Variants in HOMER2 observed in about 807,000 individuals in gnomAD.
The protein encoded by HOMER2 is homer protein homolog 2.
A neutral mutation model predicts 47.0 loss-of-function variants in HOMER2; 27 were observed. The ratio of observed to expected loss-of-function variants is 0.57; its 90% CI spans 0.42 to 0.79. The LOEUF is 0.79. Among genes scored for constraint, HOMER2 ranks in the 30% least tolerant of loss-of-function variants. The probability of loss-of-function intolerance (pLI) is 0.00; values close to 1 mark genes in which losing one functional copy is unlikely to be tolerated. For missense variants in HOMER2, 443 were observed against 435.0 expected, an observed-to-expected ratio of 1.02 and a Z score of -0.16; for synonymous variants, 161 against 163.8, an observed-to-expected ratio of 0.98 and a Z score of 0.13.
At chr15:82,852,578 T>G (rs2051432419) in intron 6 of HOMER2, 1 of 250,768 alleles carries the variant, frequency 4.0e-6, no homozygotes, top group Non-Finnish European at 7.6e-6. Context: ...CAGATTTGCT[T>G]TAAGGATCCA....
chr15:82,851,216 G>A lies in HOMER2; in HGVS notation c.778C>T (p.Arg260Ter). ...REKETELKDLRKQSEIIPQLM... is the reference protein window; with the variant it reads ...REKETELKDL ...TGAGGTATGATTTCACTTTGTTTTC[G>A]GAGATCTTTCAGCTCCTACATGAAA... is the stretch of plus-strand genomic sequence containing the variant. The change falls in exon 8 of 9, where the codon CGA becomes TGA. Residue 260 changes from arginine (R) to a stop codon, truncating the protein, a stop_gained. Coordinates refer to ENST00000450735, the MANE Select transcript of HOMER2 (RefSeq NM_004839.4). LOFTEE classifies it high-confidence loss of function. 10 of 1,562,652 alleles carry A rather than the reference G, an allele frequency of 6.4e-6. No homozygotes were observed. Among genetic ancestry groups the A allele is most frequent in the East Asian group, 4.7e-5 (2 of 42,590 alleles).
chr15:82,897,108 C>T (rs543937540), intron 1 of HOMER2, among the ~76,000 whole-genome samples: 149 of 127,842 alleles, frequency 1.2e-3, no homozygotes, highest in Non-Finnish European at 1.4e-3. Flanking sequence ...ACTCTGTCGC[C>T]CAAGCTGGAG....
chr15:82,879,413 C>G (rs993812517), intron 2 of HOMER2, among the ~76,000 whole-genome samples: 5 of 152,240 alleles, frequency 3.3e-5, no homozygotes, highest in African/African-American at 1.2e-4. Flanking sequence ...GGAGGATTAC[C>G]TGGGGCTCCG....
chr15:82,871,428 G>C (rs997795203), intron 3 of HOMER2, among the ~76,000 whole-genome samples: 1 of 152,178 alleles, frequency 6.6e-6, no homozygotes, highest in African/African-American at 2.4e-5. Flanking sequence ...CAGCCTGGCT[G>C]TCCCCTCAGC....
chr15:82,931,816 C>T lies in HOMER2; in HGVS notation c.5+20715G>A, dbSNP rs62011736. ...TCGCGCCACTGCACTCCAGCATGGG[C>T]GACAGAGCGAGACTCCGTCTCAAAA... On this transcript the variant is annotated intron_variant, in intron 1 of 8. Coordinates refer to ENST00000450735, the MANE Select transcript of HOMER2 (RefSeq NM_004839.4). Among the ~76,000 whole-genome samples the T allele has an allele frequency of 2.4e-3, 367 of 152,222 alleles. 1 individual carries two copies. Among genetic ancestry groups the T allele is most frequent in the Non-Finnish European group, 4.3e-3 (292 of 68,020 alleles).
chr15:82,975,253 T>C (rs892813120), intron 1 of HOMER2, among the ~76,000 whole-genome samples: 3 of 152,162 alleles, frequency 2.0e-5, no homozygotes, highest in Non-Finnish European at 2.9e-5. Flanking sequence ...GCCTCATACA[T>C]TGTTGGTGGG....
chr15:82,863,287 C>T (rs934722766), intron 4 of HOMER2, among the ~76,000 whole-genome samples: 13 of 152,178 alleles, frequency 8.5e-5, no homozygotes, highest in African/African-American at 3.1e-4. Flanking sequence ...TTACCATCTG[C>T]AAGCAAGCCA....
intron 1 of HOMER2, among the ~76,000 whole-genome samples, chr15:82,927,618 C>T (rs972697969): frequency 6.6e-6 from 1 of 152,156 alleles, no homozygotes; most frequent in African/African-American, 2.4e-5. Context: ...AGGACAGGGG[C>T]AAGTACTCAG....
chr15:82,919,365 G>A (rs1468084560), intron 1 of HOMER2, among the ~76,000 whole-genome samples: 1 of 152,236 alleles, frequency 6.6e-6, no homozygotes, highest in Non-Finnish European at 1.5e-5. Context: ...AGGTTGGCCT[G>A]TTGGCCAGAC....
At chr15:82,873,373 T>C (rs573417515) in intron 3 of HOMER2, among the ~76,000 whole-genome samples, 2 of 152,342 alleles carry the variant, frequency 1.3e-5, no homozygotes, top group African/African-American at 4.8e-5. Context: ...CACATGACAC[T>C]GCTTCAAACC....
At chr15:82,922,109 T>C (rs943044272) in intron 1 of HOMER2, among the ~76,000 whole-genome samples, 2 of 149,514 alleles carry the variant, frequency 1.3e-5, no homozygotes, top group African/African-American at 4.9e-5. Flanking sequence ...TGGTGGGAGG[T>C]TGGAGGTGGG....
intron 1 of HOMER2, among the ~76,000 whole-genome samples, chr15:82,979,291 G>C (rs2030313107): frequency 6.6e-6 from 1 of 152,162 alleles, no homozygotes; most frequent in South Asian, 2.1e-4. Context: ...ATAAGACAGA[G>C]TTGAATCTCG....
At chr15:82,952,783 C>A (rs2054538782), upstream of HOMER2, 4 of 865,448 alleles carry the variant, frequency 4.6e-6, no homozygotes, top group Non-Finnish European at 5.5e-6. Context: ...CCAGCCGCTA[C>A]CCCCGCCCGG....
At chr15:82,921,818 T>G (rs554370550) in intron 1 of HOMER2, among the ~76,000 whole-genome samples, 1 of 152,306 alleles carries the variant, frequency 6.6e-6, no homozygotes, top group African/African-American at 2.4e-5. Context: ...TTTCTGACAT[T>G]GCCTTTCCTC....
At chr15:82,862,728 C>G (rs902916105) in intron 4 of HOMER2, among the ~76,000 whole-genome samples, 2 of 152,120 alleles carry the variant, frequency 1.3e-5, no homozygotes, top group Non-Finnish European at 2.9e-5. Context: ...AATTCACATG[C>G]ATTTCCATAG....
chr15:82,855,425 C>A (rs2051551893), intron 5 of HOMER2, among the ~76,000 whole-genome samples: 1 of 152,114 alleles, frequency 6.6e-6, no homozygotes, highest in Admixed American at 6.5e-5. Context: ...CCATCCCATC[C>A]TCCTTACTGG....
At position 82,849,772 on chromosome 15, in the gene HOMER2, C is replaced by G; in HGVS notation, c.975G>C (p.Lys325Asn). 6.2e-7 allele frequency: 1 copy of G among 1,613,998 alleles called. No individual in the cohort carries two copies. The highest frequency in any genetic ancestry group is 8.5e-7 in the Non-Finnish European group (1 of 1,179,886). Reference sequence around the variant, plus strand: ...GGCGGAAGTCATGCAGGTCGTCAATCTTCCCGTCCAGCACCTCCAGGAAGC... The same window carrying G: ...GGCGGAAGTCATGCAGGTCGTCAATGTTCCCGTCCAGCACCTCCAGGAAGC... ...LKSFLEVLDG[K>N]IDDLHDFRRG... Residue 325 changes from lysine to asparagine, a missense_variant, in exon 9 of 9, where the codon AAG becomes AAC. Physicochemically the swap from Lys to Asn is moderately conservative, Grantham distance 94 (BLOSUM62 0). Transcript: ENST00000450735.
At chr15:82,868,541 A>ATATATATATATATATATATATATATTTT in intron 3 of HOMER2, among the ~76,000 whole-genome samples, 8 of 71,266 alleles carry the variant, frequency 1.1e-4, no homozygotes, top group African/African-American at 2.5e-4. Context: ...ATATATATAT[A>ATATATATATATATATATATATATATTTT]TTTTTTTTTT....
chr15:82,951,100 C>G (rs1263198150), intron 1 of HOMER2, among the ~76,000 whole-genome samples: 2 of 152,210 alleles, frequency 1.3e-5, no homozygotes, highest in Non-Finnish European at 1.5e-5. Flanking sequence ...AGCCTTTTCA[C>G]AGTCCACTGA....
Sources: gnomAD v4.1 joint callset for allele counts (sites outside exome capture counted in the v4.1 genomes callset) on GRCh38, gnomAD v4.1.1 for gene constraint, MANE v1.5 for transcripts, NCBI Gene and HGNC (gene_info 2026-07-23, HGNC 2026-07-21) for gene names.